TCERG1: variants seen among roughly 807,000 people sequenced by gnomAD.
TCERG1 encodes the protein transcription elongation regulator 1.
In TCERG1, 37 loss-of-function variants were observed where a neutral mutation model predicts 144.7. That is an observed-to-expected ratio of 0.26 (90% CI 0.20 to 0.34). The LOEUF (loss-of-function observed/expected upper bound fraction) is 0.34, where lower values mean the gene tolerates loss of function less well. Ranked by LOEUF, TCERG1 falls within the 10% of genes least tolerant of loss-of-function variation. The pLI, the probability that TCERG1 is intolerant of heterozygous loss-of-function variation, is 1.00. For missense variants in TCERG1, 1,027 were observed against 1,380.7 expected, an observed-to-expected ratio of 0.74 and a Z score of 4.06; for synonymous variants, 492 against 458.2, an observed-to-expected ratio of 1.07 and a Z score of -0.94.
At chr5:146,462,664 G>A (rs1186591075) in intron 4 of TCERG1, among the ~76,000 whole-genome samples, 1 of 152,092 alleles carries the variant, frequency 6.6e-6, no homozygotes, top group African/African-American at 2.4e-5. Flanking sequence ...AGAAACCTGA[G>A]TTGTTTTTGA....
chr5:146,459,423 T>G (rs1291437989), intron 4 of TCERG1, 86 bp downstream of exon 4: 1 of 1,526,654 alleles, frequency 6.6e-7, no homozygotes, highest in Non-Finnish European at 8.8e-7. Flanking sequence ...TCCCAGTGTT[T>G]CTGGTATTAT....
At chr5:146,498,069 C>G (rs1767094924) in intron 16 of TCERG1, among the ~76,000 whole-genome samples, 2 of 152,074 alleles carry the variant, frequency 1.3e-5, no homozygotes, top group South Asian at 4.1e-4. Context: ...TCATAAATTT[C>G]CCTTCTTTCA....
intron 6 of TCERG1, 21 bp downstream of exon 6, chr5:146,468,424 A>G: frequency 1.2e-6 from 2 of 1,608,272 alleles, no homozygotes; most frequent in African/African-American, 2.7e-5. Flanking sequence ...AAACCATCTT[A>G]GTTTGTTTTG....
chr5:146,459,024 CCAGGCG>C lies in TCERG1; in HGVS notation c.585_590del (p.Ala241_Gln242del), dbSNP rs1320530163. The C allele has an allele frequency of 6.2e-7, 1 of 1,613,080 alleles. No homozygotes were observed. Among genetic ancestry groups the C allele is most frequent in the Non-Finnish European group, 8.5e-7 (1 of 1,179,542 alleles). The stretch of plus-strand genomic sequence containing the variant: ...CTCAGGCCCAGGCGCAGGCTCAGGC[CCAGGCG>C]CAGGCTCAGGCCCAGGCACAAGCTC... On this transcript the variant is annotated inframe_deletion, in exon 4 of 23. Transcript: ENST00000679501.
chr5:146,459,227 C>G lies in TCERG1; in HGVS notation c.782C>G (p.Pro261Arg), dbSNP rs545834199. The G allele has an allele frequency of 2.5e-6, 4 of 1,614,278 alleles. No homozygotes were observed. In the African/African-American group the frequency reaches 4.0e-5, roughly 16 times the overall value. Residue 261 changes from proline to arginine, a missense_variant, in exon 4 of 23, where the codon CCT becomes CGT. Coordinates refer to ENST00000679501, the MANE Select transcript of TCERG1 (RefSeq NM_001382548.1). ...VQAQAVGASTPTTSSPAPAVS... is the reference protein window; with the variant it reads ...VQAQAVGASTRTTSSPAPAVS... ...GCACAAGCAGTTGGAGCTTCCACCC[C>G]TACGACCAGTAGCCCAGCACCTGCA...
chr5:146,482,305 C>G (rs1021472238), intron 13 of TCERG1: 2 of 192,390 alleles, frequency 1.0e-5, no homozygotes, highest in Non-Finnish European at 2.1e-5. Context: ...AGTAAGGTTG[C>G]TCCCTTTTTA....
rs990490844 is a variant in TCERG1, at chr5:146,459,036, T to G, written c.591T>G (p.Ala197=). The change falls in exon 4 of 23, where the codon GCT becomes GCG. Residue 197 remains alanine (A), a synonymous_variant. Transcript: ENST00000679501. ...CGCAGGCTCAGGCCCAGGCGCAGGC[T>G]CAGGCCCAGGCACAAGCTCAGGCCC... The part of the protein sequence containing the change: ...AQAQAQAQAQ[A]QAQAQAQAQA... The G allele has an allele frequency of 1.2e-6, 2 of 1,608,114 alleles. No individual in the cohort carries two copies. The highest frequency in any genetic ancestry group is 2.7e-5 in the African/African-American group (2 of 73,834).
chr5:146,494,863 T>C (rs11956602), intron 16 of TCERG1, among the ~76,000 whole-genome samples: 87,791 of 151,916 alleles, frequency 0.58, 26,366 homozygotes, highest in Non-Finnish European at 0.65. Flanking sequence ...TTCTGGTCAC[T>C]ACTATCTCCC....
intron 9 of TCERG1, among the ~76,000 whole-genome samples, chr5:146,475,188 T>C (rs1168179631): frequency 6.6e-6 from 1 of 152,222 alleles, no homozygotes; most frequent in Non-Finnish European, 1.5e-5. Context: ...GTTTTTCCTA[T>C]AGTGTTCCCA....
At chr5:146,494,512 T>C (rs1766711123) in intron 16 of TCERG1, among the ~76,000 whole-genome samples, 1 of 152,172 alleles carries the variant, frequency 6.6e-6, no homozygotes, top group African/African-American at 2.4e-5. Flanking sequence ...TGATCTGTAT[T>C]ATGCAGGTTA....
At chr5:146,497,595 A>G (rs1475834111) in intron 16 of TCERG1, among the ~76,000 whole-genome samples, 1 of 152,230 alleles carries the variant, frequency 6.6e-6, no homozygotes. Flanking sequence ...CTTTGTGGCT[A>G]ATATATAGAG....
At chr5:146,491,608 T>A (rs1036624234) in intron 15 of TCERG1, among the ~76,000 whole-genome samples, 2 of 152,192 alleles carry the variant, frequency 1.3e-5, no homozygotes, top group African/African-American at 4.8e-5. Context: ...CTGCTTCGGA[T>A]CTGAGAGAAC....
intron 3 of TCERG1, among the ~76,000 whole-genome samples, chr5:146,457,907 T>C (rs1762968287): frequency 6.6e-6 from 1 of 152,238 alleles, no homozygotes; most frequent in Admixed American, 6.5e-5. Context: ...TAGAGAGCAG[T>C]AGTGCAATGT....
Position 146,511,583 on chromosome 5 carries a change from A to T in TCERG1, c.*941A>T, listed in dbSNP as rs1768457150. The T allele has an allele frequency of 6.6e-6, 1 of 152,572 alleles. No individual in the cohort carries two copies. The allele number at this position is 152,572 out of a possible 1,614,324, so 9.5% of individuals were successfully genotyped here. Reference sequence around the variant, plus strand: ...ACCTGTTTTTAAAAGCAGCAAATAGAATTTCCCACAAAGTAAGTTGACTCT... The same window carrying T: ...ACCTGTTTTTAAAAGCAGCAAATAGTATTTCCCACAAAGTAAGTTGACTCT... On this transcript the variant is annotated 3_prime_UTR_variant, in exon 23 of 23. Coordinates refer to ENST00000679501, the MANE Select transcript of TCERG1 (RefSeq NM_001382548.1).
intron 15 of TCERG1, among the ~76,000 whole-genome samples, chr5:146,484,095 A>G (rs578238967): frequency 2.6e-5 from 4 of 152,286 alleles, no homozygotes; most frequent in Non-Finnish European, 5.9e-5. Context: ...CAGTATGTAC[A>G]TATATATGTG....
intron 3 of TCERG1, among the ~76,000 whole-genome samples, chr5:146,457,680 A>G (rs879834526): frequency 1.3e-5 from 2 of 152,164 alleles, no homozygotes; most frequent in African/African-American, 4.8e-5. Context: ...GGGAATGTCA[A>G]CCCTCCTGAA....
At chr5:146,453,882 A>G (rs1581370816) in intron 1 of TCERG1, among the ~76,000 whole-genome samples, 2 of 152,202 alleles carry the variant, frequency 1.3e-5, no homozygotes, top group African/African-American at 4.8e-5. Flanking sequence ...TATCTGAAGA[A>G]TACACATCCC....
At position 146,447,421 on chromosome 5, in the gene TCERG1, GC is replaced by G; in HGVS notation, c.59+16del. ...CGGGGGAGCTCAGGTAAGGAACGCT[GC>G]CCTCCTTCACATCTCTGCTCACGAG... On this transcript the variant is annotated intron_variant, in intron 1 of 22. Coordinates refer to ENST00000679501, the MANE Select transcript of TCERG1 (RefSeq NM_001382548.1). 2 of 1,609,722 alleles carry G rather than the reference GC, an allele frequency of 1.2e-6. No homozygotes were observed. The highest frequency in any genetic ancestry group is 2.7e-5 in the African/African-American group (2 of 74,818).
intron 9 of TCERG1, among the ~76,000 whole-genome samples, chr5:146,473,222 A>G (rs1255211131): frequency 1.3e-5 from 2 of 152,216 alleles, no homozygotes; most frequent in Non-Finnish European, 2.9e-5. Flanking sequence ...AGTGGTCTGG[A>G]TAGATGATCA....
Sources: gnomAD v4.1 joint callset for allele counts (sites outside exome capture counted in the v4.1 genomes callset) on GRCh38, gnomAD v4.1.1 for gene constraint, MANE v1.5 for transcripts, NCBI Gene and HGNC (gene_info 2026-07-23, HGNC 2026-07-21) for gene names.